The following SLC11A2 variants were observed in gnomAD, a reference collection of about 807,000 sequenced individuals.
SLC11A2 encodes solute carrier family 11 member 2.
SLC11A2 carries 38 observed loss-of-function variants against 68.0 expected under a neutral mutation model. The observed-to-expected ratio is 0.56, with a 90% CI of 0.43 to 0.73. SLC11A2 has a LOEUF of 0.73. Ranked by LOEUF, SLC11A2 falls within the 30% of genes least tolerant of loss-of-function variation. The pLI, the probability that SLC11A2 is intolerant of heterozygous loss-of-function variation, is 0.00. For synonymous variants in SLC11A2, 242 were observed against 250.6 expected (o/e 0.97, Z 0.32); for missense variants, 517 against 690.5 (o/e 0.75, Z 2.82).
intron 5 of SLC11A2, among the ~76,000 whole-genome samples, chr12:51,003,857 T>G (rs1464666572): frequency 6.6e-6 from 1 of 151,824 alleles, no homozygotes; most frequent in Non-Finnish European, 1.5e-5. Flanking sequence ...GGAGAATCGC[T>G]TGAGCCTGGG....
intron 1 of SLC11A2, among the ~76,000 whole-genome samples, chr12:51,020,158 T>C (rs1414891481): frequency 1.3e-5 from 2 of 151,620 alleles, no homozygotes; most frequent in Non-Finnish European, 2.9e-5. Context: ...GCTCAAGTGA[T>C]CCTCCCACCT....
chr12:51,018,331 T>C (rs553266383), intron 1 of SLC11A2, among the ~76,000 whole-genome samples: 1 of 151,752 alleles, frequency 6.6e-6, no homozygotes, highest in South Asian at 2.1e-4. Flanking sequence ...GAAGTGGAGG[T>C]TGCAGTGAGC....
downstream of SLC11A2, chr12:50,979,946 C>A (rs1486755418): frequency 2.2e-6 from 1 of 454,078 alleles, no homozygotes; most frequent in African/African-American, 2.0e-5. Context: ...GAGGAGTGAG[C>A]TGGATGCAGT....
chr12:50,961,149 C>T, the SLC11A2 span: 14 of 1,586,186 alleles, frequency 8.8e-6, no homozygotes, highest in Non-Finnish European at 1.2e-5. Context: ...TTTGAGAGTA[C>T]ATTTATTTAT....
upstream of SLC11A2, among the ~76,000 whole-genome samples, chr12:51,026,600 C>G (rs2136451432): frequency 6.6e-6 from 1 of 152,004 alleles, no homozygotes; most frequent in Middle Eastern, 3.4e-3. Context: ...CTTGCGTTGG[C>G]CAGACCCACA....
chr12:50,995,908 A>G (rs1438742326), intron 9 of SLC11A2, 121 bp from the exon 10 acceptor site: 3 of 865,236 alleles, frequency 3.5e-6, no homozygotes, highest in Non-Finnish European at 5.8e-6. Context: ...ACGAAAAGTG[A>G]GAGATCCAAC....
intron 3 of SLC11A2, among the ~76,000 whole-genome samples, chr12:51,007,650 T>G (rs1942840475): frequency 6.7e-6 from 1 of 148,252 alleles, no homozygotes; most frequent in African/African-American, 2.5e-5. Context: ...TGTTTTGGTT[T>G]TCGTTTTTGA....
chr12:50,960,882 G>T, the SLC11A2 span: 2 of 1,158,284 alleles, frequency 1.7e-6, no homozygotes. Flanking sequence ...GTCTTGCTAT[G>T]TTGCCCAGGC....
chr12:50,964,310 T>C, the SLC11A2 span, among the ~76,000 whole-genome samples: 1 of 152,358 alleles, frequency 6.6e-6, no homozygotes, highest in South Asian at 2.1e-4. Flanking sequence ...TTTCAGCAAG[T>C]ACCTTGGCTA....
chr12:50,988,966 G>A (rs1019898425), intron 15 of SLC11A2, among the ~76,000 whole-genome samples: 12 of 151,872 alleles, frequency 7.9e-5, no homozygotes, highest in East Asian at 1.9e-4. Context: ...CTCCTGGCTC[G>A]GCCTCCCAAA....
chr12:50,996,380 G>A (rs994344550), intron 9 of SLC11A2, among the ~76,000 whole-genome samples: 9 of 152,186 alleles, frequency 5.9e-5, no homozygotes, highest in African/African-American at 2.2e-4. Context: ...TTCGAGACCA[G>A]CCTGGCCAAC....
At chr12:50,984,579 T>C (rs890425525), downstream of SLC11A2, among the ~76,000 whole-genome samples, 2 of 152,126 alleles carry the variant, frequency 1.3e-5, no homozygotes, top group Non-Finnish European at 2.9e-5. Flanking sequence ...TTCTGAGACA[T>C]TGAGAAATGA....
the SLC11A2 span, among the ~76,000 whole-genome samples, chr12:50,962,369 C>G: frequency 6.6e-6 from 1 of 151,794 alleles, no homozygotes; most frequent in African/African-American, 2.4e-5. Context: ...CGAGATCATG[C>G]CTTTGCACTC....
chr12:51,016,905 C>T (rs933578571), intron 1 of SLC11A2, among the ~76,000 whole-genome samples: 2 of 146,310 alleles, frequency 1.4e-5, no homozygotes, highest in Admixed American at 6.9e-5. Flanking sequence ...TCTGTAGTCC[C>T]GGGAGGCTAA....
chr12:50,995,638 G>T lies in SLC11A2; in HGVS notation c.981C>A (p.Asn327Lys). ...ACCCTGGCTTACTCACCACCTGCTC[G>T]TTGGTTTTCCCAAAAAATGCTTCAG... ...VFAEAFFGKT[N>K]EQVVEVCTNT... Residue 327 changes from asparagine (N) to lysine (K), a missense_variant, in exon 10 of 16, where the codon AAC becomes AAA. Transcript: ENST00000262052. 1 of 1,614,058 alleles carries T rather than the reference G, an allele frequency of 6.2e-7. No individual in the cohort carries two copies. Among genetic ancestry groups the T allele is most frequent in the South Asian group, 1.1e-5 (1 of 91,084 alleles).
chr12:51,000,256 A>T, intron 6 of SLC11A2, 57 bp downstream of exon 6: 1 of 1,283,882 alleles, frequency 7.8e-7, no homozygotes, highest in South Asian at 1.2e-5. Flanking sequence ...TTTTGTTTTT[A>T]TCTCTGCTTG....
the SLC11A2 span, among the ~76,000 whole-genome samples, chr12:50,965,655 T>G: frequency 2.0e-5 from 3 of 152,128 alleles, no homozygotes; most frequent in African/African-American, 7.2e-5. Context: ...ACCCCTACTT[T>G]GACTGGTAGG....
chr12:51,028,276 G>A (rs1944466642), upstream of SLC11A2: 4 of 1,413,788 alleles, frequency 2.8e-6, no homozygotes, highest in African/African-American at 1.4e-5. Flanking sequence ...CTCTATATAT[G>A]AAGACAAGTG....
In SLC11A2 at chr12:50,990,847, T is replaced by C. The variant is rs1941076964; in HGVS notation, c.1523A>G (p.Tyr508Cys). 1.2e-6 allele frequency: 2 copies of C among 1,614,118 alleles called. No homozygotes were observed. The highest frequency in any genetic ancestry group is 2.2e-5 in the South Asian group (2 of 91,086). Residue 508 changes from tyrosine (Y) to cysteine (C), a missense_variant, in exon 15 of 16, where the codon TAT becomes TGT. Tyr to Cys is a radical substitution (Grantham distance 194). Coordinates refer to ENST00000262052, the MANE Select transcript of SLC11A2 (RefSeq NM_000617.3). ...CACGCTGACCACAGCAGCCACCACATATAATGCCACATGCCCTAGGTCCCG... is the reference window on the plus strand; with the variant it reads ...CACGCTGACCACAGCAGCCACCACACATAATGCCACATGCCCTAGGTCCCG... ...YVRDLGHVAL[Y>C]VVAAVVSVAY...
Sources: allele counts gnomAD v4.1 joint callset (sites outside exome capture counted in the v4.1 genomes callset), GRCh38; gene constraint gnomAD v4.1.1; transcripts MANE v1.5; gene names NCBI Gene and HGNC (gene_info 2026-07-23, HGNC 2026-07-21).